Variants in ABTB3 observed in about 807,000 individuals in gnomAD.
ABTB3 encodes ankyrin repeat and BTB domain containing 3.
At chr12:107,547,126 CG>C in the ABTB3 span, among the ~76,000 whole-genome samples, 2 of 149,004 alleles carry the variant, frequency 1.3e-5, no homozygotes, top group Admixed American at 6.8e-5. Context: ...CCTGGGAGGT[CG>C]AGGCTGCAGT....
chr12:107,530,987 C>T, the ABTB3 span, among the ~76,000 whole-genome samples: 5 of 152,178 alleles, frequency 3.3e-5, no homozygotes, highest in African/African-American at 4.8e-5. Context: ...AGAGGGACTC[C>T]GATCATTTGG....
At chr12:107,434,778 C>A in the ABTB3 span, among the ~76,000 whole-genome samples, 1 of 151,574 alleles carries the variant, frequency 6.6e-6, no homozygotes, top group Non-Finnish European at 1.5e-5. Context: ...GTGGGAGGAT[C>A]GCTTGAGCTC....
the ABTB3 span, among the ~76,000 whole-genome samples, chr12:107,473,760 T>C: frequency 6.6e-6 from 1 of 152,086 alleles, no homozygotes; most frequent in South Asian, 2.1e-4. Context: ...GAAGAAGCCA[T>C]ATATTCTACA....
At chr12:107,434,838 T>C in the ABTB3 span, among the ~76,000 whole-genome samples, 2 of 150,790 alleles carry the variant, frequency 1.3e-5, no homozygotes, top group South Asian at 4.2e-4. Context: ...TACTCCAGCC[T>C]GGGTGACAGA....
At chr12:107,619,435 C>T in the ABTB3 span, among the ~76,000 whole-genome samples, 7 of 152,128 alleles carry the variant, frequency 4.6e-5, no homozygotes, top group South Asian at 2.1e-4. Context: ...TCTTCTTATT[C>T]GGGTATAAAT....
At chr12:107,580,356 C>A in the ABTB3 span, among the ~76,000 whole-genome samples, 1 of 152,256 alleles carries the variant, frequency 6.6e-6, no homozygotes, top group African/African-American at 2.4e-5. Flanking sequence ...GAAGATGGCA[C>A]AAATGCGTTG....
At chr12:107,412,012 C>A in the ABTB3 span, among the ~76,000 whole-genome samples, 3 of 152,100 alleles carry the variant, frequency 2.0e-5, no homozygotes, top group Non-Finnish European at 4.4e-5. Flanking sequence ...GATGCCAGGG[C>A]CCCCAGCAAA....
chr12:107,520,767 A>G, the ABTB3 span: 1 of 1,159,026 alleles, frequency 8.6e-7, no homozygotes. Flanking sequence ...CCTTTTATTG[A>G]CTGCCTGCTG....
the ABTB3 span, among the ~76,000 whole-genome samples, chr12:107,368,410 A>G: frequency 6.6e-6 from 1 of 152,248 alleles, no homozygotes; most frequent in African/African-American, 2.4e-5. Context: ...TAAGAGACGG[A>G]GACACTGGAA....
the ABTB3 span, chr12:107,520,466 C>G: frequency 6.2e-7 from 1 of 1,609,126 alleles, no homozygotes; most frequent in African/African-American, 1.3e-5. Context: ...CTTTCATTCT[C>G]TGTCTCCCTT....
At chr12:107,524,126 A>G in the ABTB3 span, among the ~76,000 whole-genome samples, 1 of 152,250 alleles carries the variant, frequency 6.6e-6, no homozygotes, top group Non-Finnish European at 1.5e-5. Flanking sequence ...TGTAAATTAA[A>G]TGCTGTCCTC....
the ABTB3 span, among the ~76,000 whole-genome samples, chr12:107,525,127 C>T: frequency 6.6e-6 from 1 of 151,800 alleles, no homozygotes; most frequent in South Asian, 2.1e-4. Flanking sequence ...GGAGTTGAGA[C>T]CATCTTGGGC....
At chr12:107,371,942 T>C in the ABTB3 span, among the ~76,000 whole-genome samples, 32 of 152,342 alleles carry the variant, frequency 2.1e-4, no homozygotes, top group East Asian at 3.7e-3. Context: ...GCATGTGAGA[T>C]GTAAACTGTT....
the ABTB3 span, among the ~76,000 whole-genome samples, chr12:107,517,955 G>A: frequency 6.6e-6 from 1 of 152,160 alleles, no homozygotes; most frequent in Non-Finnish European, 1.5e-5. Flanking sequence ...GTGGGCAAAG[G>A]ATATGAACAG....
the ABTB3 span, among the ~76,000 whole-genome samples, chr12:107,371,381 T>A: frequency 5.0e-4 from 76 of 152,276 alleles, no homozygotes; most frequent in Non-Finnish European, 9.9e-4. Context: ...AGGATGAGAC[T>A]AAGCTGCTGT....
chr12:107,586,825 C>T, the ABTB3 span, among the ~76,000 whole-genome samples: 16 of 152,128 alleles, frequency 1.1e-4, no homozygotes, highest in Non-Finnish European at 1.6e-4. Context: ...GAGATCCACA[C>T]GTAATTACAG....
chr12:107,421,111 C>T, the ABTB3 span, among the ~76,000 whole-genome samples: 3 of 152,222 alleles, frequency 2.0e-5, no homozygotes, highest in South Asian at 2.1e-4. Context: ...CTGAGTCTAT[C>T]GAGAAAAATT....
the ABTB3 span, among the ~76,000 whole-genome samples, chr12:107,467,505 G>A: frequency 6.6e-6 from 1 of 152,220 alleles, no homozygotes; most frequent in African/African-American, 2.4e-5. Context: ...TTCACGAATT[G>A]AATCTCACCT....
At chr12:107,520,449 T>A in the ABTB3 span, 1 of 1,600,002 alleles carries the variant, frequency 6.2e-7, no homozygotes, top group Non-Finnish European at 8.5e-7. Flanking sequence ...AATAACAATC[T>A]GTTTTCCTTT....
Sources: allele counts gnomAD v4.1 joint callset (sites outside exome capture counted in the v4.1 genomes callset), GRCh38; gene constraint gnomAD v4.1.1; transcripts MANE v1.5; gene names NCBI Gene and HGNC (gene_info 2026-07-23, HGNC 2026-07-21).